Variants in TMEM178B observed in about 807,000 individuals in gnomAD.
The protein encoded by TMEM178B is transmembrane protein 178B.
A neutral mutation model predicts 31.0 loss-of-function variants in TMEM178B; 5 were observed. The observed-to-expected ratio is 0.16, with a 90% CI of 0.08 to 0.34. TMEM178B has a LOEUF of 0.34. Ranked by LOEUF, TMEM178B falls within the 10% of genes least tolerant of loss-of-function variation. The pLI is 1.00. For missense variants in TMEM178B, 275 were observed against 400.3 expected, an observed-to-expected ratio of 0.69 and a Z score of 2.67; for synonymous variants, 164 against 164.0, an observed-to-expected ratio of 1.00 and a Z score of 0.00.
intron 1 of TMEM178B, among the ~76,000 whole-genome samples, chr7:141,115,074 G>A (rs150989953): frequency 0.01 from 1,529 of 151,906 alleles, 28 homozygotes; most frequent in African/African-American, 0.035. Context: ...ACAGAGTCTC[G>A]CTTTGTCACC....
At position 141,095,994 on chromosome 7, in the gene TMEM178B, C is replaced by T. The variant is rs143029956; in HGVS notation, c.382+21302C>T. Among the ~76,000 whole-genome samples the T allele has an allele frequency of 2.7e-3, 410 of 152,276 alleles. 3 individuals are homozygous for T. The highest frequency in any genetic ancestry group is 9.6e-3 in the African/African-American group (398 of 41,556). On this transcript the variant is annotated intron_variant, in intron 1 of 3. Transcript: ENST00000565468. ...AGAGAAGTATAAATGCTGATGGTAA[C>T]GTAGGCAACCAACCATATCCTACAA...
At position 141,384,732 on chromosome 7, in the gene TMEM178B, GT is replaced by G. The variant is rs1266797173; in HGVS notation, c.497-52869del. On this transcript the variant is annotated intron_variant, in intron 2 of 3. Coordinates refer to ENST00000565468, the MANE Select transcript of TMEM178B (RefSeq NM_001195278.2). ...TTGGTTCCATATGAACTTTAAAGTAGTTTTTTTCCAAATCTGTGAAGAAAGT... is the reference window on the plus strand; with the variant it reads ...TTGGTTCCATATGAACTTTAAAGTAGTTTTTTCCAAATCTGTGAAGAAAGT... 7.0e-4 allele frequency among the ~76,000 whole-genome samples: 107 copies of G among 152,180 alleles called. 1 individual carries two copies. Among genetic ancestry groups the G allele is most frequent in the African/African-American group, 2.4e-3 (101 of 41,534 alleles).
At chr7:141,348,943 C>T (rs574904567) in intron 2 of TMEM178B, among the ~76,000 whole-genome samples, 5 of 152,256 alleles carry the variant, frequency 3.3e-5, no homozygotes, top group South Asian at 2.1e-4. Flanking sequence ...GACTGGGTAA[C>T]GGCGGCAGGG....
intron 2 of TMEM178B, among the ~76,000 whole-genome samples, chr7:141,389,385 A>G (rs1800493361): frequency 6.6e-6 from 1 of 152,164 alleles, no homozygotes; most frequent in Non-Finnish European, 1.5e-5. Context: ...TGTCTAGTAG[A>G]TTGGTTTTGA....
intron 1 of TMEM178B, among the ~76,000 whole-genome samples, chr7:141,100,371 T>C (rs1421666338): frequency 6.6e-6 from 1 of 152,178 alleles, no homozygotes; most frequent in African/African-American, 2.4e-5. Context: ...CTCACTTTGC[T>C]CTCTGTATAA....
At chr7:141,365,352 T>C (rs115952841) in intron 2 of TMEM178B, among the ~76,000 whole-genome samples, 1,716 of 152,308 alleles carry the variant, frequency 0.011, 37 homozygotes, top group African/African-American at 0.038. Flanking sequence ...CAGGGGACGC[T>C]TCTGACTTGA....
Position 141,474,854 on chromosome 7 carries a change from C to T in TMEM178B, c.*4068C>T, listed in dbSNP as rs1017915107. 1 of 152,194 alleles carries T rather than the reference C, an allele frequency of 6.6e-6. No homozygotes were observed. Among genetic ancestry groups the T allele is most frequent in the African/African-American group, 2.4e-5 (1 of 41,448 alleles). 9.4% of individuals were successfully genotyped at this position (152,194 alleles called of 1,614,324 possible). ...AAATTCAGAATAATGAACTCAGGTA[C>T]ATCACCCAGAGGCATTTAGAATGGA... On this transcript the variant is annotated 3_prime_UTR_variant, in exon 4 of 4. Transcript: ENST00000565468.
intron 2 of TMEM178B, among the ~76,000 whole-genome samples, chr7:141,370,786 A>G (rs1015125800): frequency 4.6e-5 from 7 of 152,366 alleles, no homozygotes; most frequent in Non-Finnish European, 4.4e-5. Flanking sequence ...TCCTCTTTGC[A>G]CATGGCAAAT....
chr7:141,345,223 C>G (rs1340965582), intron 2 of TMEM178B, among the ~76,000 whole-genome samples: 3 of 152,164 alleles, frequency 2.0e-5, no homozygotes, highest in African/African-American at 7.2e-5. Context: ...GGAACAAATT[C>G]ATGATCAATA....
At chr7:141,308,032 T>C (rs1237978558) in intron 2 of TMEM178B, among the ~76,000 whole-genome samples, 2 of 152,242 alleles carry the variant, frequency 1.3e-5, no homozygotes, top group Admixed American at 6.5e-5. Context: ...TTTTCACTTA[T>C]TGTGTCTTAT....
intron 2 of TMEM178B, among the ~76,000 whole-genome samples, chr7:141,287,721 G>A (rs1798469294): frequency 6.6e-6 from 1 of 152,186 alleles, no homozygotes; most frequent in Non-Finnish European, 1.5e-5. Flanking sequence ...GGACCTGTGA[G>A]CCCCACCTTC....
the TMEM178B span, among the ~76,000 whole-genome samples, chr7:141,493,839 G>T: frequency 1.3e-5 from 2 of 152,168 alleles, no homozygotes; most frequent in African/African-American, 4.8e-5. Flanking sequence ...AAATACAATT[G>T]CTGCCAATAC....
At chr7:141,219,356 A>G (rs1472643060) in intron 2 of TMEM178B, among the ~76,000 whole-genome samples, 3 of 152,192 alleles carry the variant, frequency 2.0e-5, no homozygotes, top group African/African-American at 7.2e-5. Context: ...TTAGAAGCTC[A>G]GGTCCCCTGC....
Position 141,478,840 on chromosome 7 carries a change from TG to T in TMEM178B, c.*8062del, listed in dbSNP as rs60100890. 8.6e-5 allele frequency: 13 copies of T among 151,928 alleles called. No individual in the cohort carries two copies. In the East Asian group the frequency reaches 9.7e-4, roughly 11 times the overall value. The allele number at this position is 151,928 out of a possible 1,614,324, so 9.4% of individuals were successfully genotyped here. Reference sequence around the variant, plus strand: ...CTTAGGTTCTTCATTAGGAGACTGATGGGGGGGGTCCTTCCTGGTGGGTCAC... The same window carrying T: ...CTTAGGTTCTTCATTAGGAGACTGATGGGGGGGTCCTTCCTGGTGGGTCAC... On this transcript the variant is annotated 3_prime_UTR_variant, in exon 4 of 4. Coordinates refer to ENST00000565468, the MANE Select transcript of TMEM178B (RefSeq NM_001195278.2).
chr7:141,496,669 C>CAAAAAAAAAA, the TMEM178B span, among the ~76,000 whole-genome samples: 26 of 33,254 alleles, frequency 7.8e-4, no homozygotes, highest in African/African-American at 1.9e-3. Flanking sequence ...GACTCCGTCT[C>CAAAAAAAAAA]AAAAAAAAAA....
intron 1 of TMEM178B, among the ~76,000 whole-genome samples, chr7:141,150,052 C>T (rs970791628): frequency 1.3e-5 from 2 of 152,022 alleles, no homozygotes; most frequent in African/African-American, 4.8e-5. Context: ...GGCCTGAGCA[C>T]TCGAGTGGCT....
At position 141,479,388 on chromosome 7, in the gene TMEM178B, C is replaced by T. The variant is rs563092288; in HGVS notation, c.*8602C>T. The stretch of plus-strand genomic sequence containing the variant: ...GGCAGTGGCCACAGGCAGACTGGGT[C>T]TCCTAGGAGGTGGTGGTGTTGGTGA... On this transcript the variant is annotated 3_prime_UTR_variant, in exon 4 of 4. Coordinates refer to ENST00000565468, the MANE Select transcript of TMEM178B (RefSeq NM_001195278.2). 6.6e-5 allele frequency: 10 copies of T among 152,142 alleles called. No individual in the cohort carries two copies. The highest frequency in any genetic ancestry group is 1.5e-4 in the Non-Finnish European group (10 of 67,980). The allele number at this position is 152,142 out of a possible 1,614,324, so 9.4% of individuals were successfully genotyped here.
At chr7:141,468,227 C>T (rs1436416755) in intron 3 of TMEM178B, among the ~76,000 whole-genome samples, 1 of 152,108 alleles carries the variant, frequency 6.6e-6, no homozygotes, top group East Asian at 1.9e-4. Flanking sequence ...ATCAGCATGC[C>T]CCAAGAACTT....
At chr7:141,277,288 TTTGTAAAATA>T (rs1263269114) in intron 2 of TMEM178B, among the ~76,000 whole-genome samples, 1 of 152,222 alleles carries the variant, frequency 6.6e-6, no homozygotes, top group African/African-American at 2.4e-5. Flanking sequence ...TTATTTTCTA[TTTGTAAAATA>T]TTTTATTTCA....
Sources: allele counts gnomAD v4.1 joint callset (sites outside exome capture counted in the v4.1 genomes callset), GRCh38; gene constraint gnomAD v4.1.1; transcripts MANE v1.5; gene names NCBI Gene and HGNC (gene_info 2026-07-23, HGNC 2026-07-21).